Variants in RIC1 observed in about 807,000 individuals in gnomAD.
The protein encoded by RIC1 is guanine nucleotide exchange factor subunit RIC1.
RIC1 carries 88 observed loss-of-function variants against 169.0 expected under a neutral mutation model. The ratio of observed to expected loss-of-function variants is 0.52; its 90% CI spans 0.44 to 0.62. RIC1 has a LOEUF of 0.62. Ranked by LOEUF, RIC1 falls within the 20% of genes least tolerant of loss-of-function variation. RIC1 has a pLI of 0.00. For missense variants in RIC1, 1,877 were observed against 1,725.5 expected (o/e 1.09, Z -1.56); for synonymous variants, 790 against 601.5 (o/e 1.31, Z -4.59).
At chr9:5,650,945 A>G (rs536439056) in intron 1 of RIC1, among the ~76,000 whole-genome samples, 2 of 152,332 alleles carry the variant, frequency 1.3e-5, no homozygotes, top group South Asian at 4.1e-4. Context: ...GTGGAAATGC[A>G]GGGACTCTTG....
intron 12 of RIC1, among the ~76,000 whole-genome samples, chr9:5,748,113 C>A (rs1198483228): frequency 6.6e-6 from 1 of 152,072 alleles, no homozygotes; most frequent in Non-Finnish European, 1.5e-5. Flanking sequence ...AATTTTGATA[C>A]CAAGTAAAAT....
intron 2 of RIC1, among the ~76,000 whole-genome samples, chr9:5,662,577 G>A (rs1819520132): frequency 6.6e-6 from 1 of 151,988 alleles, no homozygotes. Context: ...GAGGGTGTAT[G>A]TGTCCAGAAA....
At chr9:5,777,255 A>C (rs1827639034), downstream of RIC1, among the ~76,000 whole-genome samples, 1 of 151,344 alleles carries the variant, frequency 6.6e-6, no homozygotes, top group South Asian at 2.1e-4. Context: ...ATAAATTGCA[A>C]CTATTTCTTC....
intron 3 of RIC1, among the ~76,000 whole-genome samples, chr9:5,712,075 CT>C (rs1302319516): frequency 6.6e-6 from 1 of 152,130 alleles, no homozygotes; most frequent in African/African-American, 2.4e-5. Flanking sequence ...ATTTATATTC[CT>C]TTGGGTATAT....
downstream of RIC1, among the ~76,000 whole-genome samples, chr9:5,777,166 T>C (rs1326177862): frequency 6.6e-6 from 1 of 152,114 alleles, no homozygotes; most frequent in Non-Finnish European, 1.5e-5. Context: ...TGAAGAAAAA[T>C]GTCTGTTTAA....
rs1310855388 is a variant in RIC1, at chr9:5,772,728, C to A, written c.3781C>A (p.Gln1261Lys). The change falls in exon 24 of 26, where the codon CAG (glutamine) becomes AAG (lysine). Residue 1261 changes from glutamine to lysine, a missense_variant. By Grantham distance (53) the Gln-to-Lys change is moderately conservative. Around this residue, in one of 3 missense-constraint regions of RIC1, gnomAD observed 681 missense variants for 582.0 expected, o/e 1.17. Coordinates refer to ENST00000414202, the MANE Select transcript of RIC1 (RefSeq NM_020829.4). Reference protein sequence around the residue: ...ELASKGPHKSQVQLRYLLHIF... With the variant: ...ELASKGPHKSKVQLRYLLHIF... ...GGCCAGTAAAGGGCCTCATAAATCC[C>A]AGGTCCAGCTTCGGTGAGTTTCTTG... 1 of 1,606,566 alleles carries A rather than the reference C, an allele frequency of 6.2e-7. No individual in the cohort carries two copies.
chr9:5,681,943 G>C (rs1210135041), intron 2 of RIC1, among the ~76,000 whole-genome samples: 4 of 152,066 alleles, frequency 2.6e-5, no homozygotes, highest in African/African-American at 9.7e-5. Context: ...GATCTTTGTT[G>C]GTTTAAAGTC....
chr9:5,777,035 T>G (rs1484475011), downstream of RIC1, among the ~76,000 whole-genome samples: 2 of 152,168 alleles, frequency 1.3e-5, no homozygotes, highest in Non-Finnish European at 2.9e-5. Context: ...AAGCATGTTG[T>G]TATTTTGGCT....
chr9:5,647,127 G>C lies in RIC1; in HGVS notation c.145-9456G>C, dbSNP rs1264558885. 2.0e-5 allele frequency among the ~76,000 whole-genome samples: 3 copies of C among 152,232 alleles called. No individual in the cohort carries two copies. In the East Asian group the frequency reaches 5.8e-4, roughly 29 times the overall value. ...TGTGGAAAATAATTTGACTATTTAT[G>C]CAAGAGTGTATTTCTGGACTCTGTG... is the stretch of plus-strand genomic sequence containing the variant. On this transcript the variant is annotated intron_variant, in intron 1 of 25. Coordinates refer to ENST00000414202, the MANE Select transcript of RIC1 (RefSeq NM_020829.4).
chr9:5,762,824 G>A (rs1826430080), intron 18 of RIC1, among the ~76,000 whole-genome samples, 164 bp downstream of exon 18: 1 of 152,142 alleles, frequency 6.6e-6, no homozygotes, highest in African/African-American at 2.4e-5. Context: ...CTGACTGGAG[G>A]ATAAGGTCCC....
chr9:5,640,181 T>C (rs1163729596), intron 1 of RIC1, among the ~76,000 whole-genome samples: 1 of 152,230 alleles, frequency 6.6e-6, no homozygotes, highest in Non-Finnish European at 1.5e-5. Flanking sequence ...AAGGTGGTTT[T>C]CTCTGGTGCT....
chr9:5,672,627 A>G (rs1017744695), intron 2 of RIC1, among the ~76,000 whole-genome samples: 29 of 152,182 alleles, frequency 1.9e-4, no homozygotes, highest in African/African-American at 6.3e-4. Context: ...AGAAAACAAG[A>G]CAGAACAAGT....
chr9:5,676,622 C>T (rs1189378011), intron 2 of RIC1, among the ~76,000 whole-genome samples: 1 of 152,136 alleles, frequency 6.6e-6, no homozygotes, highest in East Asian at 1.9e-4. Flanking sequence ...CCATAGGCAT[C>T]TCCTTATCAA....
chr9:5,756,766 T>C (rs907044477), intron 16 of RIC1, among the ~76,000 whole-genome samples: 1 of 152,214 alleles, frequency 6.6e-6, no homozygotes, highest in African/African-American at 2.4e-5. Context: ...AACTGACTTA[T>C]ATTTCCACTG....
chr9:5,646,893 T>A (rs564307626), intron 1 of RIC1, among the ~76,000 whole-genome samples: 1 of 152,308 alleles, frequency 6.6e-6, no homozygotes, highest in South Asian at 2.1e-4. Context: ...AAATCCAAAG[T>A]CATGAAGTTT....
At chr9:5,726,647 A>C (rs533376416) in intron 6 of RIC1, among the ~76,000 whole-genome samples, 15 of 152,268 alleles carry the variant, frequency 9.9e-5, no homozygotes, top group East Asian at 1.9e-4. Flanking sequence ...TCTTCCTAGC[A>C]TCGATGGTCT....
intron 3 of RIC1, 40 bp downstream of exon 3, chr9:5,690,078 C>T (rs1428260442): frequency 2.3e-6 from 3 of 1,317,798 alleles, no homozygotes; most frequent in East Asian, 2.4e-5. Context: ...ATGTGATTTG[C>T]ATACTTTATA....
At chr9:5,664,377 C>T (rs981790818) in intron 2 of RIC1, among the ~76,000 whole-genome samples, 1 of 151,818 alleles carries the variant, frequency 6.6e-6, no homozygotes, top group Non-Finnish European at 1.5e-5. Flanking sequence ...TGCACCACTG[C>T]ACTCCAGCCT....
At chr9:5,644,852 ACT>A (rs1491406484) in intron 1 of RIC1, among the ~76,000 whole-genome samples, 2 of 135,024 alleles carry the variant, frequency 1.5e-5, no homozygotes, top group Non-Finnish European at 3.3e-5. Flanking sequence ...TTCCAAAGTG[ACT>A]GTAGCATTTT....
Sources: allele counts gnomAD v4.1 joint callset (sites outside exome capture counted in the v4.1 genomes callset), GRCh38; gene constraint gnomAD v4.1.1; regional missense constraint gnomAD v4.1.1; transcripts MANE v1.5; gene names NCBI Gene and HGNC (gene_info 2026-07-23, HGNC 2026-07-21).